Variants in MARCHF8 observed in about 807,000 individuals in gnomAD.
MARCHF8 encodes the protein membrane associated ring-CH-type finger 8.
MARCHF8 carries 40 observed loss-of-function variants against 51.6 expected under a neutral mutation model. The ratio of observed to expected loss-of-function variants is 0.77; its 90% CI spans 0.60 to 1.01. The LOEUF (loss-of-function observed/expected upper bound fraction) is 1.01, where lower values mean the gene tolerates loss of function less well. Ranked by LOEUF, MARCHF8 falls within the 50% of genes least tolerant of loss-of-function variation. MARCHF8 has a pLI of 0.00. For synonymous variants in MARCHF8, 263 were observed against 280.3 expected, an observed-to-expected ratio of 0.94 and a Z score of 0.62; for missense variants, 685 against 708.6, an observed-to-expected ratio of 0.97 and a Z score of 0.38.
At chr10:45,464,176 C>G in intron 4 of MARCHF8, 63 bp downstream of exon 4, 3 of 1,581,066 alleles carry the variant, frequency 1.9e-6, no homozygotes, top group Non-Finnish European at 2.6e-6. Flanking sequence ...CAAGAACCTA[C>G]AGACACTAAT....
At chr10:45,530,403 G>A (rs1589154212) in intron 2 of MARCHF8, among the ~76,000 whole-genome samples, 1 of 152,292 alleles carries the variant, frequency 6.6e-6, no homozygotes, top group East Asian at 1.9e-4. Context: ...ATGAGAAACT[G>A]GGTGTCAGGT....
At chr10:45,524,686 T>C (rs1007784619) in intron 2 of MARCHF8, among the ~76,000 whole-genome samples, 1 of 152,124 alleles carries the variant, frequency 6.6e-6, no homozygotes, top group Non-Finnish European at 1.5e-5. Flanking sequence ...AATACGTGAT[T>C]ATAAGGGATT....
At chr10:45,576,172 C>A (rs1262255150) in intron 1 of MARCHF8, among the ~76,000 whole-genome samples, 1 of 152,100 alleles carries the variant, frequency 6.6e-6, no homozygotes, top group Admixed American at 6.5e-5. Context: ...ACAAACAGAT[C>A]AAGAGAACAG....
At position 45,475,536 on chromosome 10, in the gene MARCHF8, C is replaced by T. The variant is rs192715273; in HGVS notation, c.154-11209G>A. Among the ~76,000 whole-genome samples, 385 of 152,322 alleles carry T rather than the reference C, an allele frequency of 2.5e-3. 1 individual carries two copies. The highest frequency in any genetic ancestry group is 8.7e-3 in the African/African-American group (360 of 41,572). On this transcript the variant is annotated intron_variant, in intron 3 of 7. Transcript: ENST00000453424. ...GGCATCTGAGGTCAGGCCCACCCAACCTGCCATTACCGCCACATCTAGCAC... is the reference window on the plus strand; with the variant it reads ...GGCATCTGAGGTCAGGCCCACCCAATCTGCCATTACCGCCACATCTAGCAC...
chr10:45,510,989 G>GA (rs2043489240), intron 2 of MARCHF8, among the ~76,000 whole-genome samples: 1 of 151,986 alleles, frequency 6.6e-6, no homozygotes, highest in Non-Finnish European at 1.5e-5. Flanking sequence ...TTAAAGTTAT[G>GA]AAAAAATGGA....
chr10:45,540,892 T>A (rs562874054), intron 1 of MARCHF8, among the ~76,000 whole-genome samples: 3 of 152,176 alleles, frequency 2.0e-5, no homozygotes, highest in Admixed American at 2.0e-4. Flanking sequence ...CCAGTTACAA[T>A]GGCGATCATT....
chr10:45,515,057 T>C (rs35504302), intron 2 of MARCHF8, among the ~76,000 whole-genome samples: 9,372 of 152,300 alleles, frequency 0.062, 328 homozygotes, highest in Non-Finnish European at 0.067. Context: ...TTTTCCTGGT[T>C]TCAGGCTATA....
chr10:45,562,415 G>C (rs2044320720), intron 1 of MARCHF8, among the ~76,000 whole-genome samples: 1 of 152,132 alleles, frequency 6.6e-6, no homozygotes, highest in Non-Finnish European at 1.5e-5. Context: ...AAAGACAGAA[G>C]ACAGACTACT....
intron 2 of MARCHF8, among the ~76,000 whole-genome samples, chr10:45,511,051 T>G (rs1485204718): frequency 6.6e-6 from 1 of 152,254 alleles, no homozygotes; most frequent in East Asian, 1.9e-4. Context: ...AAATGCTTTT[T>G]AAAAGTTACA....
chr10:45,533,326 C>G (rs1001401402), intron 1 of MARCHF8, 37 bp from the exon 2 acceptor site: 1 of 1,282,592 alleles, frequency 7.8e-7, no homozygotes, highest in Non-Finnish European at 1.0e-6. Flanking sequence ...CATAACTCAG[C>G]TAAAACACTT....
At position 45,469,968 on chromosome 10, in the gene MARCHF8, AAAATTATC is replaced by A. The variant is rs1289316495; in HGVS notation, c.154-5649_154-5642del. 1.1e-4 allele frequency among the ~76,000 whole-genome samples: 16 copies of A among 152,232 alleles called. No individual in the cohort carries two copies. The East Asian group carries it at 2.9e-3, about 28-fold the overall frequency. ...TGACTGTATTTCTACAAAGAAAATA[AAAATTATC>A]AAAAAAAAATAAAAGAAGAAGATGG... On this transcript the variant is annotated intron_variant, in intron 3 of 7. Coordinates refer to ENST00000453424, the MANE Select transcript of MARCHF8 (RefSeq NM_001282866.2).
At chr10:45,466,825 A>C (rs945909313) in intron 3 of MARCHF8, among the ~76,000 whole-genome samples, 2 of 152,180 alleles carry the variant, frequency 1.3e-5, no homozygotes, top group African/African-American at 4.8e-5. Context: ...CAAGTCAAAA[A>C]GTGTACTCTG....
chr10:45,497,655 G>C (rs1374918706), intron 2 of MARCHF8, among the ~76,000 whole-genome samples: 2 of 151,956 alleles, frequency 1.3e-5, no homozygotes, highest in Non-Finnish European at 2.9e-5. Flanking sequence ...CACAAATGCG[G>C]AAATTAAACA....
At chr10:45,565,511 C>T (rs1008856304) in intron 1 of MARCHF8, among the ~76,000 whole-genome samples, 5 of 151,628 alleles carry the variant, frequency 3.3e-5, no homozygotes, top group Non-Finnish European at 7.4e-5. Flanking sequence ...TATTGCAATT[C>T]TTAATTTTAT....
intron 2 of MARCHF8, among the ~76,000 whole-genome samples, chr10:45,512,277 A>C (rs1377451244): frequency 5.9e-4 from 62 of 105,424 alleles, no homozygotes; most frequent in African/African-American, 8.1e-4. Context: ...AGGAGCCCCT[A>C]CGCCCGGCAG....
intron 1 of MARCHF8, among the ~76,000 whole-genome samples, chr10:45,585,357 A>G (rs544812307): frequency 6.6e-6 from 1 of 152,222 alleles, no homozygotes; most frequent in Non-Finnish European, 1.5e-5. Context: ...ACTACAAAGG[A>G]CAAATTGTGG....
rs779839666 is a variant in MARCHF8 at position 45,463,259 on chromosome 10, C to A, written c.980G>T (p.Arg327Leu). 1.6e-4 allele frequency: 243 copies of A among 1,550,784 alleles called. No homozygotes were observed. Among genetic ancestry groups the A allele is most frequent in the Non-Finnish European group, 2.1e-4 (236 of 1,147,080 alleles). Residue 327 changes from arginine to leucine, a missense_variant, in exon 5 of 8, where the codon CGG becomes CTG. By Grantham distance (102) the Arg-to-Leu change is moderately radical. Transcript: ENST00000453424. The stretch of plus-strand genomic sequence containing the variant: ...CTTTTCCGTGGAGCAGAGGGGCGCC[C>A]GCAGAACCCTACTCTTCAGTTTTGC... ...TSAKLKSRVL[R>L]APLCSTEKDS... is the part of the protein sequence containing the mutation.
chr10:45,492,696 C>G (rs1358093057), intron 2 of MARCHF8, among the ~76,000 whole-genome samples: 1 of 152,178 alleles, frequency 6.6e-6, no homozygotes, highest in African/African-American at 2.4e-5. Flanking sequence ...AAAACTCATT[C>G]AAATCAGTCA....
chr10:45,557,723 C>A (rs984888112), intron 1 of MARCHF8, among the ~76,000 whole-genome samples: 2 of 152,054 alleles, frequency 1.3e-5, no homozygotes, highest in African/African-American at 2.4e-5. Flanking sequence ...AGAGGCAGGC[C>A]CACAGCTAAG....
Sources: gnomAD v4.1 joint callset for allele counts (sites outside exome capture counted in the v4.1 genomes callset) on GRCh38, gnomAD v4.1.1 for gene constraint, MANE v1.5 for transcripts, NCBI Gene and HGNC (gene_info 2026-07-23, HGNC 2026-07-21) for gene names.